WDR47: variants seen among roughly 807,000 people sequenced by gnomAD.
WDR47 encodes WD repeat domain 47.
A neutral mutation model predicts 97.2 loss-of-function variants in WDR47; 32 were observed. The ratio of observed to expected loss-of-function variants is 0.33; its 90% CI spans 0.25 to 0.44. The LOEUF (loss-of-function observed/expected upper bound fraction) is 0.44. Among genes scored for constraint, WDR47 ranks in the 20% least tolerant of loss-of-function variants. The pLI is 1.00. For synonymous variants in WDR47, 375 were observed against 373.5 expected (o/e 1.00, Z -0.05); for missense variants, 782 against 1,102.3 (o/e 0.71, Z 4.11).
intron 2 of WDR47, 23 bp from the exon 3 acceptor site, chr1:109,017,624 C>A (rs766938289): frequency 1.9e-6 from 3 of 1,587,406 alleles, no homozygotes; most frequent in Middle Eastern, 1.7e-4. Context: ...TTTAAAAAAA[C>A]CAGCATGTCA....
chr1:109,041,474 G>C (rs1174980389), intron 1 of WDR47: 2 of 152,266 alleles, frequency 1.3e-5, no homozygotes, highest in Non-Finnish European at 2.9e-5. Flanking sequence ...GCTCGACCAA[G>C]GGGCGAGGAA....
chr1:108,997,430 G>GAA (rs1372041615), intron 7 of WDR47, among the ~76,000 whole-genome samples: 10 of 113,302 alleles, frequency 8.8e-5, no homozygotes, highest in Admixed American at 3.9e-4. Context: ...TCCCATCTCA[G>GAA]AAAAAAAAAA....
chr1:109,012,303 G>A (rs986164674), intron 4 of WDR47, among the ~76,000 whole-genome samples: 9 of 151,998 alleles, frequency 5.9e-5, no homozygotes, highest in African/African-American at 1.7e-4. Context: ...AAAGGGAGCC[G>A]AGCACAGTGG....
chr1:108,971,555 G>C lies in WDR47; in HGVS notation c.2635C>G (p.Leu879Val), dbSNP rs1162850771. ...TGCTCCCCCACCACCATGATAGGAA[G>C]CTGCTTGGTGAGGTCCCCTAAATTA... ...TDLQGDLTKQ[L>V]PIMVVGEHKD... Residue 879 changes from leucine (L) to valine (V), a missense_variant, in exon 15 of 15, where the codon CTT (leucine) becomes GTT (valine). Physicochemically the swap from Leu to Val is conservative, Grantham distance 32. Transcript: ENST00000369962. The C allele has an allele frequency of 6.2e-7, 1 of 1,614,058 alleles. No individual in the cohort carries two copies. The highest frequency in any genetic ancestry group is 8.5e-7 in the Non-Finnish European group (1 of 1,180,028).
chr1:109,038,330 T>C (rs1358319891), intron 1 of WDR47, among the ~76,000 whole-genome samples: 1 of 152,134 alleles, frequency 6.6e-6, no homozygotes, highest in East Asian at 1.9e-4. Flanking sequence ...TGCTGTGAAG[T>C]ATAAAAATTT....
At chr1:108,988,028 G>C (rs1027218095) in intron 9 of WDR47, among the ~76,000 whole-genome samples, 1 of 151,126 alleles carries the variant, frequency 6.6e-6, no homozygotes, top group Non-Finnish European at 1.5e-5. Flanking sequence ...TTGAGCCCAG[G>C]AGTTTGAAAC....
At chr1:109,030,519 T>C (rs1355850674) in intron 1 of WDR47, among the ~76,000 whole-genome samples, 2 of 152,118 alleles carry the variant, frequency 1.3e-5, no homozygotes, top group Non-Finnish European at 2.9e-5. Context: ...GCACAGTCAT[T>C]ATAAACCTTA....
At chr1:109,004,565 A>G in intron 6 of WDR47, 27 bp downstream of exon 6, 1 of 1,592,936 alleles carries the variant, frequency 6.3e-7, no homozygotes, top group South Asian at 1.2e-5. Flanking sequence ...AATAACTCTG[A>G]AAAACACTAG....
At chr1:109,010,222 T>C (rs1386330098) in intron 5 of WDR47, among the ~76,000 whole-genome samples, 1 of 152,172 alleles carries the variant, frequency 6.6e-6, no homozygotes, top group Non-Finnish European at 1.5e-5. Context: ...TACTAAAGTA[T>C]TAACGACTAA....
chr1:109,004,433 C>T (rs1156561386), intron 6 of WDR47, among the ~76,000 whole-genome samples, 159 bp downstream of exon 6: 1 of 152,056 alleles, frequency 6.6e-6, no homozygotes, highest in Non-Finnish European at 1.5e-5. Flanking sequence ...GCCACATATT[C>T]GTTGAAGAGA....
At chr1:108,977,610 G>A (rs543476360) in intron 13 of WDR47, among the ~76,000 whole-genome samples, 2 of 152,276 alleles carry the variant, frequency 1.3e-5, no homozygotes, top group African/African-American at 4.8e-5. Flanking sequence ...CCAGTACTTT[G>A]GGAGGCCAAT....
In WDR47 at chr1:109,032,671, C is replaced by T. The variant is rs548295977; in HGVS notation, c.-9-9150G>A. 3.3e-5 allele frequency among the ~76,000 whole-genome samples: 5 copies of T among 150,912 alleles called. No homozygotes were observed. The East Asian group carries it at 6.0e-4, about 18-fold the overall frequency. On this transcript the variant is annotated intron_variant, in intron 1 of 14. Transcript: ENST00000369962. ...CCAGCACTTTGGGAGGCCAGGTGGG[C>T]GGATCACTTGAGGTCAGGAGTTCAA...
rs1557921783 is a variant in WDR47 at position 108,986,594 on chromosome 1, T to C, written c.1854A>G (p.Gly618=). 1.9e-6 allele frequency: 3 copies of C among 1,613,772 alleles called. No individual in the cohort carries two copies. Among genetic ancestry groups the C allele is most frequent in the Non-Finnish European group, 2.5e-6 (3 of 1,179,800 alleles). The part of the protein sequence containing the change: ...AVRAVAFHPA[G]GLYAVGSNSK... ...AATTTGAACCAACAGCATATAAACCTCCAGCTGGATGAAAAGCCACTGCTC... is the reference window on the plus strand; with the variant it reads ...AATTTGAACCAACAGCATATAAACCCCCAGCTGGATGAAAAGCCACTGCTC... The change falls in exon 10 of 15, where the codon GGA becomes GGG. Residue 618 remains glycine (G), a synonymous_variant. Coordinates refer to ENST00000369962, the MANE Select transcript of WDR47 (RefSeq NM_001142551.2).
intron 7 of WDR47, among the ~76,000 whole-genome samples, chr1:108,997,391 C>T (rs562809888): frequency 4.0e-5 from 6 of 148,970 alleles, no homozygotes; most frequent in South Asian, 4.2e-4. Context: ...TGCAATGGGC[C>T]GTGATCCTGC....
chr1:109,022,994 G>T (rs1661958104), intron 2 of WDR47, among the ~76,000 whole-genome samples: 1 of 151,620 alleles, frequency 6.6e-6, no homozygotes, highest in Non-Finnish European at 1.5e-5. Context: ...CACGAGGTCA[G>T]GAGATCGAGA....
At chr1:109,025,826 A>G (rs1571245236) in intron 1 of WDR47, among the ~76,000 whole-genome samples, 1 of 152,162 alleles carries the variant, frequency 6.6e-6, no homozygotes, top group Admixed American at 6.6e-5. Context: ...ACTCACTCAA[A>G]TATTTAATGA....
intron 1 of WDR47, among the ~76,000 whole-genome samples, chr1:109,026,349 CTT>C (rs57431054): frequency 7.5e-4 from 109 of 145,600 alleles, no homozygotes; most frequent in Middle Eastern, 3.5e-3. Context: ...CCGTGCCCAC[CTT>C]TTTTTTTTTT....
chr1:109,002,166 C>A, intron 7 of WDR47, 58 bp downstream of exon 7: 1 of 1,455,804 alleles, frequency 6.9e-7, no homozygotes, highest in Non-Finnish European at 9.1e-7. Context: ...GCAGTTATTG[C>A]ATGTTTTAAA....
At chr1:109,020,323 C>T (rs753454858) in intron 2 of WDR47, among the ~76,000 whole-genome samples, 3 of 151,368 alleles carry the variant, frequency 2.0e-5, no homozygotes, top group Non-Finnish European at 2.9e-5. Flanking sequence ...TGCAAGCTCA[C>T]GATCTCGGCT....
Sources: allele counts gnomAD v4.1 joint callset (sites outside exome capture counted in the v4.1 genomes callset), GRCh38; gene constraint gnomAD v4.1.1; transcripts MANE v1.5; gene names NCBI Gene and HGNC (gene_info 2026-07-23, HGNC 2026-07-21).